DACH2: variants seen among roughly 807,000 people sequenced by gnomAD.
DACH2 encodes dachshund family transcription factor 2.
A neutral mutation model predicts 35.8 loss-of-function variants in DACH2; 17 were observed. That is an observed-to-expected ratio of 0.48 (90% CI 0.33 to 0.71). The LOEUF (loss-of-function observed/expected upper bound fraction) is 0.71. DACH2 is among the 30% of genes least tolerant of loss of function. The pLI, the probability that DACH2 is intolerant of heterozygous loss-of-function variation, is 0.02. For missense variants in DACH2, 469 were observed against 472.7 expected (o/e 0.99, Z 0.07); for synonymous variants, 195 against 177.3 (o/e 1.10, Z -0.79).
At position 86,190,987 on chromosome X, in the gene DACH2, G is replaced by T. The variant is rs969744818; in HGVS notation, c.488+41879G>T. Among the ~76,000 whole-genome samples, 3 of 111,941 alleles carry T rather than the reference G, an allele frequency of 2.7e-5. No individual in the cohort carries two copies. In the Admixed American group the frequency reaches 2.8e-4, roughly 11 times the overall value. Reference sequence around the variant, plus strand: ...TAAATAAAATAAAAAGCAGATGCTAGCAAGGTTGTGGAGAAAAGAGAACAC... The same window carrying T: ...TAAATAAAATAAAAAGCAGATGCTATCAAGGTTGTGGAGAAAAGAGAACAC... On this transcript the variant is annotated intron_variant, in intron 1 of 11. Transcript: ENST00000373125.
chrX:86,400,350 GT>G (rs989768011), intron 2 of DACH2, among the ~76,000 whole-genome samples: 1 of 111,155 alleles, frequency 9.0e-6, no homozygotes, highest in African/African-American at 3.3e-5. Flanking sequence ...GCTCGGAGTA[GT>G]TTGATCTTCT....
chrX:86,233,816 G>A (rs1326677311), intron 1 of DACH2, among the ~76,000 whole-genome samples: 1 of 112,069 alleles, frequency 8.9e-6, no homozygotes, highest in Non-Finnish European at 1.9e-5. Flanking sequence ...AGATGCAAAA[G>A]CAGAAACCCC....
At chrX:86,485,130 A>G (rs1325449139) in intron 2 of DACH2, among the ~76,000 whole-genome samples, 5 of 112,077 alleles carry the variant, frequency 4.5e-5, no homozygotes, top group African/African-American at 1.6e-4. Flanking sequence ...TTAGGAAAAA[A>G]GATATTAATT....
intron 7 of DACH2, among the ~76,000 whole-genome samples, chrX:86,807,536 T>C (rs2042356598): frequency 8.9e-6 from 1 of 111,848 alleles, no homozygotes; most frequent in Non-Finnish European, 1.9e-5. Flanking sequence ...CTTCCTATCT[T>C]GACATATAAC....
chrX:86,413,147 T>G (rs1266719595), intron 2 of DACH2, among the ~76,000 whole-genome samples: 1 of 111,927 alleles, frequency 8.9e-6, no homozygotes, highest in African/African-American at 3.2e-5. Context: ...GGCATGCAAA[T>G]GTCTCACCAA....
intron 1 of DACH2, among the ~76,000 whole-genome samples, chrX:86,170,341 C>G (rs1461508252): frequency 9.0e-6 from 1 of 111,271 alleles, no homozygotes. Flanking sequence ...GTAACAACTC[C>G]CTGGCTACTG....
intron 3 of DACH2, among the ~76,000 whole-genome samples, chrX:86,549,920 A>G (rs1197043425): frequency 8.9e-6 from 1 of 111,865 alleles, no homozygotes; most frequent in Non-Finnish European, 1.9e-5. Flanking sequence ...AAATGACTAG[A>G]TTTATACTCA....
chrX:86,489,385 G>A (rs1454245558), intron 2 of DACH2, among the ~76,000 whole-genome samples: 1 of 110,346 alleles, frequency 9.1e-6, no homozygotes, highest in Admixed American at 9.8e-5. Context: ...ATGGAAGAAT[G>A]TTTCCTGAAT....
chrX:86,755,480 C>G (rs1257432370), intron 7 of DACH2, among the ~76,000 whole-genome samples: 1 of 110,728 alleles, frequency 9.0e-6, no homozygotes, highest in Non-Finnish European at 1.9e-5. Context: ...GAGGTTTTAG[C>G]CATAAAATCG....
chrX:86,781,394 T>C (rs779202402), intron 7 of DACH2, among the ~76,000 whole-genome samples: 6 of 111,851 alleles, frequency 5.4e-5, no homozygotes, highest in African/African-American at 6.5e-5. Flanking sequence ...GGTCAAAGTA[T>C]TATGTATAGA....
At chrX:86,696,602 G>A (rs1240655420) in intron 5 of DACH2, among the ~76,000 whole-genome samples, 1 of 111,646 alleles carries the variant, frequency 9.0e-6, no homozygotes, top group Non-Finnish European at 1.9e-5. Context: ...CAGAGTTTGA[G>A]GTCACAGAGC....
intron 6 of DACH2, among the ~76,000 whole-genome samples, chrX:86,720,932 G>T (rs1203849162): frequency 1.8e-5 from 2 of 112,519 alleles, no homozygotes; most frequent in Non-Finnish European, 3.8e-5. Flanking sequence ...CACACCTGCA[G>T]GCCTAACACC....
At chrX:86,514,143 C>A in intron 2 of DACH2, 136 bp from the exon 3 acceptor site, 1 of 583,430 alleles carries the variant, frequency 1.7e-6, no homozygotes, top group South Asian at 3.1e-5. Context: ...TAGTAATCCA[C>A]GAAAATAGTC....
intron 3 of DACH2, among the ~76,000 whole-genome samples, chrX:86,535,540 A>G (rs751258049): frequency 2.3e-4 from 26 of 111,132 alleles, no homozygotes; most frequent in African/African-American, 8.2e-4. Context: ...CATTAACATT[A>G]AAACAGAGAT....
At chrX:86,375,011 A>C (rs1157852458) in intron 1 of DACH2, among the ~76,000 whole-genome samples, 3 of 110,490 alleles carry the variant, frequency 2.7e-5, no homozygotes, top group Admixed American at 9.8e-5. Context: ...AATGTCAAAA[A>C]CAAAATATAC....
At position 86,428,887 on chromosome X, in the gene DACH2, A is replaced by G. The variant is rs995629635; in HGVS notation, c.527+52025A>G. The stretch of plus-strand genomic sequence containing the variant: ...TCATAGGGTATTTTATAATTTGAAG[A>G]TAATACTAAGCAGTAAAGTTCAGTA... On this transcript the variant is annotated intron_variant, in intron 2 of 11. Transcript: ENST00000373125. Among the ~76,000 whole-genome samples, 5 of 111,344 alleles carry G rather than the reference A, an allele frequency of 4.5e-5. No individual in the cohort carries two copies. The Admixed American group carries it at 4.8e-4, about 11-fold the overall frequency.
intron 7 of DACH2, among the ~76,000 whole-genome samples, chrX:86,781,129 G>A (rs5968995): frequency 0.2 from 22,387 of 110,567 alleles, 1,759 homozygotes; most frequent in East Asian, 0.46. Flanking sequence ...TAGACACCTG[G>A]CAAGGCTGTG....
At chrX:86,673,554 A>G (rs1245179725) in intron 4 of DACH2, among the ~76,000 whole-genome samples, 2 of 111,104 alleles carry the variant, frequency 1.8e-5, no homozygotes, top group Non-Finnish European at 3.8e-5. Context: ...GATGGGCAGA[A>G]GAGACTTGCC....
chrX:86,449,917 A>T (rs1333312376), intron 2 of DACH2, among the ~76,000 whole-genome samples: 1 of 111,390 alleles, frequency 9.0e-6, no homozygotes, highest in Non-Finnish European at 1.9e-5. Flanking sequence ...TGATTCACTC[A>T]CCATTGTTTC....
Sources: allele counts gnomAD v4.1 joint callset (sites outside exome capture counted in the v4.1 genomes callset), GRCh38; gene constraint gnomAD v4.1.1; transcripts MANE v1.5; gene names NCBI Gene and HGNC (gene_info 2026-07-23, HGNC 2026-07-21).